Variants in DIAPH3 observed in about 807,000 individuals in gnomAD.
DIAPH3 encodes the protein protein diaphanous homolog 3.
A neutral mutation model predicts 144.3 loss-of-function variants in DIAPH3; 117 were observed. The ratio of observed to expected loss-of-function variants is 0.81; its 90% confidence interval spans 0.70 to 0.95. The LOEUF is 0.95. Ranked by LOEUF, DIAPH3 falls within the 40% of genes least tolerant of loss-of-function variation. The pLI is 0.00. For synonymous variants in DIAPH3, 519 were observed against 488.9 expected, an observed-to-expected ratio of 1.06 and a Z score of -0.81; for missense variants, 1,421 against 1,412.7, an observed-to-expected ratio of 1.01 and a Z score of -0.09.
chr13:60,040,152 G>A (rs536178817), intron 5 of DIAPH3, among the ~76,000 whole-genome samples: 5 of 148,618 alleles, frequency 3.4e-5, no homozygotes, highest in African/African-American at 1.0e-4. Context: ...GCTTGAACTC[G>A]GGAGATGGAG....
rs923509168 is a variant in DIAPH3 at position 59,992,655 on chromosome 13, A to C, written c.1015-72T>G. On this transcript the variant is annotated intron_variant, in intron 9 of 27. Transcript: ENST00000400324. Reference sequence around the variant, plus strand: ...GAAAGAGTAACAAACGTAAACTTCAAGGTTTTGTTCCAGCATTATTAAATA... The same window carrying C: ...GAAAGAGTAACAAACGTAAACTTCACGGTTTTGTTCCAGCATTATTAAATA... The C allele has an allele frequency of 4.2e-6, 5 of 1,203,264 alleles. No individual in the cohort carries two copies. The African/African-American group carries it at 7.6e-5, about 18-fold the overall frequency. The allele number at this position is 1,203,264 out of a possible 1,614,324, so 74.5% of individuals were successfully genotyped here. A position where few individuals can be genotyped will look rare whatever the true frequency, so the allele number is the denominator to read the frequency against.
intron 27 of DIAPH3, among the ~76,000 whole-genome samples, chr13:59,744,776 A>G (rs184806046): frequency 1.5e-3 from 225 of 152,286 alleles, no homozygotes; most frequent in African/African-American, 4.2e-3. Flanking sequence ...TGACATCTGA[A>G]AGAGTTTTGG....
chr13:59,753,476 T>A (rs567724818), intron 27 of DIAPH3, among the ~76,000 whole-genome samples: 1 of 152,314 alleles, frequency 6.6e-6, no homozygotes, highest in Non-Finnish European at 1.5e-5. Context: ...GGAAAACTGC[T>A]TTGAACATGT....
intron 1 of DIAPH3, among the ~76,000 whole-genome samples, chr13:60,141,191 C>T (rs1186776216): frequency 1.3e-5 from 2 of 151,976 alleles, no homozygotes; most frequent in African/African-American, 4.8e-5. Flanking sequence ...GATATCATGC[C>T]ATCTTGAGAA....
rs2038804301 is a variant in DIAPH3 at position 59,782,730 on chromosome 13, T to A, written c.3164-7907A>T. ...GAGATATTCAGAATGTGGTACAGGGTGGTGGGCATGTAGTATGGGGCAGAG... is the reference window on the plus strand; with the variant it reads ...GAGATATTCAGAATGTGGTACAGGGAGGTGGGCATGTAGTATGGGGCAGAG... On this transcript the variant is annotated intron_variant, in intron 25 of 27. Transcript: ENST00000400324. 2.0e-5 allele frequency among the ~76,000 whole-genome samples: 3 copies of A among 151,762 alleles called. No individual in the cohort carries two copies. In the South Asian group the frequency reaches 6.2e-4, roughly 32 times the overall value.
chr13:60,117,229 T>C (rs1483152598), intron 2 of DIAPH3, among the ~76,000 whole-genome samples: 1 of 151,978 alleles, frequency 6.6e-6, no homozygotes, highest in Admixed American at 6.6e-5. Context: ...AAAAATAAAT[T>C]TGTACATTAC....
chr13:59,734,972 G>C (rs1190725454), intron 27 of DIAPH3, among the ~76,000 whole-genome samples: 1 of 152,068 alleles, frequency 6.6e-6, no homozygotes, highest in Non-Finnish European at 1.5e-5. Context: ...CTTTGAAAGA[G>C]AAAATTTTAC....
intron 24 of DIAPH3, among the ~76,000 whole-genome samples, chr13:59,815,835 C>G (rs2040741732): frequency 6.6e-6 from 1 of 152,036 alleles, no homozygotes; most frequent in South Asian, 2.1e-4. Context: ...TTTGTTTTTG[C>G]TATTCATAGA....
At chr13:60,060,075 T>C (rs889256454) in intron 4 of DIAPH3, among the ~76,000 whole-genome samples, 1 of 152,106 alleles carries the variant, frequency 6.6e-6, no homozygotes, top group Non-Finnish European at 1.5e-5. Flanking sequence ...TTCCTTTTTT[T>C]TCTTTTCTTG....
At chr13:59,857,881 G>A (rs2043345942) in intron 22 of DIAPH3, among the ~76,000 whole-genome samples, 1 of 152,134 alleles carries the variant, frequency 6.6e-6, no homozygotes, top group African/African-American at 2.4e-5. Flanking sequence ...TTGAGATGCT[G>A]AAGGCTATAT....
intron 1 of DIAPH3, among the ~76,000 whole-genome samples, chr13:60,161,958 T>A (rs1317057285): frequency 1.3e-5 from 2 of 152,190 alleles, no homozygotes; most frequent in African/African-American, 4.8e-5. Flanking sequence ...GAAATTACCA[T>A]ATAAGCAAGA....
At chr13:60,160,024 G>A (rs1270201822) in intron 1 of DIAPH3, among the ~76,000 whole-genome samples, 2 of 152,156 alleles carry the variant, frequency 1.3e-5, no homozygotes, top group African/African-American at 4.8e-5. Context: ...AGGAGTTCGA[G>A]ACCATCCTGG....
At position 59,969,999 on chromosome 13, in the gene DIAPH3, A is replaced by T; in HGVS notation, c.2019T>A (p.Tyr673Ter). The change falls in exon 17 of 28, where the codon TAT becomes TAA. Residue 673 changes from tyrosine to a stop codon, truncating the protein, a stop_gained. Transcript: ENST00000400324. LOFTEE classifies it high-confidence loss of function. ...CFWIKVNENK[Y>*]ENVDLLCKLE... ...GTTTACAAAGCAAATCCACGTTTTC[A>T]TACTTATTTTCATTTACTTTTATCC... is the stretch of plus-strand genomic sequence containing the variant. 6.2e-7 allele frequency: 1 copy of T among 1,610,140 alleles called. No individual in the cohort carries two copies. Among genetic ancestry groups the T allele is most frequent in the Non-Finnish European group, 8.5e-7 (1 of 1,177,762 alleles).
At chr13:59,897,839 AAG>A (rs1375605207) in intron 20 of DIAPH3, among the ~76,000 whole-genome samples, 8 of 151,834 alleles carry the variant, frequency 5.3e-5, no homozygotes, top group African/African-American at 1.7e-4. Flanking sequence ...AAATAAAAAT[AAG>A]AGAATGAAGG....
intron 5 of DIAPH3, among the ~76,000 whole-genome samples, chr13:60,041,353 G>A (rs144699113): frequency 2.6e-5 from 4 of 152,130 alleles, no homozygotes; most frequent in Admixed American, 6.5e-5. Context: ...CTGGTAACGC[G>A]AGGTAAATTA....
intron 3 of DIAPH3, among the ~76,000 whole-genome samples, chr13:60,104,447 C>T (rs2786665): frequency 0.63 from 96,238 of 151,768 alleles, 30,980 homozygotes; most frequent in Admixed American, 0.72. Context: ...TACCCAGAGA[C>T]TGATAATGAA....
chr13:59,692,137 C>CTTTTTTT (rs56205887), intron 27 of DIAPH3, among the ~76,000 whole-genome samples: 1 of 58,178 alleles, frequency 1.7e-5, no homozygotes, highest in African/African-American at 6.2e-5. Context: ...TTGAGAAATT[C>CTTTTTTT]TTTTTTTTTT....
chr13:59,961,030 T>G (rs976286856), intron 17 of DIAPH3, among the ~76,000 whole-genome samples: 1 of 152,204 alleles, frequency 6.6e-6, no homozygotes, highest in Non-Finnish European at 1.5e-5. Flanking sequence ...GTTAATGGTA[T>G]GAACTAGTGT....
chr13:59,814,831 T>G (rs2040679444), intron 24 of DIAPH3, among the ~76,000 whole-genome samples: 2 of 152,208 alleles, frequency 1.3e-5, no homozygotes, highest in Non-Finnish European at 2.9e-5. Context: ...CAGAGTTTGG[T>G]GCAACCCCCT....
Sources: allele counts gnomAD v4.1 joint callset (sites outside exome capture counted in the v4.1 genomes callset), GRCh38; gene constraint gnomAD v4.1.1; transcripts MANE v1.5; gene names NCBI Gene and HGNC (gene_info 2026-07-23, HGNC 2026-07-21).